DEFB131A: variants seen among roughly 807,000 people sequenced by gnomAD.
DEFB131A encodes the protein defensin beta 131A.
A neutral mutation model predicts 2.4 loss-of-function variants in DEFB131A; 5 were observed. That is an observed-to-expected ratio of 2.12 (90% CI 1.11 to 4.47). The LOEUF (loss-of-function observed/expected upper bound fraction) is 4.47. DEFB131A is among the 30% of genes most tolerant of loss of function. The probability of loss-of-function intolerance (pLI) is 0.00; values close to 1 mark genes in which losing one functional copy is unlikely to be tolerated. For missense variants in DEFB131A, 120 were observed against 79.9 expected (o/e 1.50, Z -1.91); for synonymous variants, 34 against 25.7 (o/e 1.32, Z -0.97).
intron 1 of DEFB131A, among the ~76,000 whole-genome samples, chr4:9,448,096 G>A (rs1717549956): frequency 6.6e-6 from 1 of 150,816 alleles, no homozygotes; most frequent in Non-Finnish European, 1.5e-5. Context: ...AGGAAGCTGA[G>A]AGAATAACAC....
At chr4:9,448,311 GAAAA>G (rs375847332) in intron 1 of DEFB131A, among the ~76,000 whole-genome samples, 5 of 148,002 alleles carry the variant, frequency 3.4e-5, no homozygotes, top group African/African-American at 9.9e-5. Context: ...TGTTATAAAA[GAAAA>G]AAAAAAGAAC....
intron 1 of DEFB131A, among the ~76,000 whole-genome samples, chr4:9,445,850 C>G (rs1407248089): frequency 6.6e-6 from 1 of 152,124 alleles, no homozygotes; most frequent in Non-Finnish European, 1.5e-5. Flanking sequence ...TCCCTAGCAA[C>G]CACTGATCTA....
intron 1 of DEFB131A, among the ~76,000 whole-genome samples, chr4:9,449,594 T>A (rs1397075754): frequency 1.3e-5 from 2 of 151,784 alleles, no homozygotes; most frequent in African/African-American, 4.8e-5. Flanking sequence ...GTAAAACTTA[T>A]AGAAGAAAAC....
intron 1 of DEFB131A, among the ~76,000 whole-genome samples, chr4:9,449,790 T>A (rs1267150729): frequency 1.3e-5 from 2 of 152,280 alleles, no homozygotes; most frequent in South Asian, 2.1e-4. Flanking sequence ...CCGAATACGC[T>A]GGGAAGCTGG....
chr4:9,444,785 C>G (rs891296610), intron 1 of DEFB131A, among the ~76,000 whole-genome samples, 194 bp downstream of exon 1: 6 of 151,862 alleles, frequency 4.0e-5, no homozygotes, highest in African/African-American at 7.3e-5. Context: ...CTATGATAAA[C>G]TCACTTGAGG....
chr4:9,444,954 G>T (rs1230668425), intron 1 of DEFB131A, among the ~76,000 whole-genome samples: 2 of 151,728 alleles, frequency 1.3e-5, no homozygotes, highest in Non-Finnish European at 2.9e-5. Context: ...ATAGTGGCGC[G>T]TGTCTGTGGT....
At chr4:9,450,191 C>A (rs1032978147) in intron 1 of DEFB131A, among the ~76,000 whole-genome samples, 169 bp from the exon 2 acceptor site, 1 of 152,140 alleles carries the variant, frequency 6.6e-6, no homozygotes, top group African/African-American at 2.4e-5. Context: ...AAGAAATCAT[C>A]GCTTGTCTTT....
At chr4:9,448,891 G>C (rs568458891) in intron 1 of DEFB131A, among the ~76,000 whole-genome samples, 78 of 152,170 alleles carry the variant, frequency 5.1e-4, no homozygotes, top group Non-Finnish European at 9.0e-4. Flanking sequence ...TGGGGGGTGG[G>C]AATGAGTAAA....
chr4:9,447,762 G>T (rs1326650799), intron 1 of DEFB131A, among the ~76,000 whole-genome samples: 2 of 151,060 alleles, frequency 1.3e-5, no homozygotes, highest in African/African-American at 2.4e-5. Flanking sequence ...TACATTCTGA[G>T]ATACTAAAGA....
At position 9,450,415 on chromosome 4, in the gene DEFB131A, G is replaced by A. The variant is rs753620721; in HGVS notation, c.114G>A (p.Leu38=). The A allele has an allele frequency of 3.9e-5, 63 of 1,606,594 alleles. 1 individual carries two copies. In the East Asian group the frequency reaches 1.3e-3, roughly 34 times the overall value. Residue 38 remains leucine (L), a synonymous_variant, in exon 2 of 2, where the codon CTG becomes CTA. Coordinates refer to ENST00000334879, the MANE Select transcript of DEFB131A (RefSeq NM_001040448.3). ...CTTCAGAATATTATCATTGCAGACT[G>A]AAGTGCAATGCTGATGAACATGCAA... is the stretch of plus-strand genomic sequence containing the variant. The part of the protein sequence containing the change: ...ECPSEYYHCR[L]KCNADEHAIR...
intron 1 of DEFB131A, among the ~76,000 whole-genome samples, chr4:9,449,161 A>T (rs1431263462): frequency 2.0e-5 from 3 of 151,066 alleles, no homozygotes; most frequent in Non-Finnish European, 4.4e-5. Context: ...TAAAAATTGC[A>T]GACATTCATG....
At chr4:9,449,050 C>T (rs1221915435) in intron 1 of DEFB131A, among the ~76,000 whole-genome samples, 1 of 151,660 alleles carries the variant, frequency 6.6e-6, no homozygotes, top group South Asian at 2.1e-4. Context: ...GCACTAACAA[C>T]AAGCACTGGA....
At chr4:9,444,779 G>T (rs1315344274) in intron 1 of DEFB131A, among the ~76,000 whole-genome samples, 188 bp downstream of exon 1, 2 of 151,958 alleles carry the variant, frequency 1.3e-5, no homozygotes, top group African/African-American at 4.8e-5. Context: ...TTTAACCTAT[G>T]ATAAACTCAC....
chr4:9,446,643 TTTTTTCTTG>T (rs1466316306), intron 1 of DEFB131A, among the ~76,000 whole-genome samples: 1 of 152,056 alleles, frequency 6.6e-6, no homozygotes, highest in East Asian at 1.9e-4. Context: ...TTGGATTTCA[TTTTTTCTTG>T]TTTTTCTTGT....
intron 1 of DEFB131A, among the ~76,000 whole-genome samples, chr4:9,446,746 CTGTCTTTGT>C (rs1717514201): frequency 6.6e-6 from 1 of 152,074 alleles, no homozygotes; most frequent in Non-Finnish European, 1.5e-5. Flanking sequence ...TCTCTTAGCA[CTGTCTTTGT>C]TGTATTCCAT....
chr4:9,444,727 A>C (rs564893729), intron 1 of DEFB131A, 136 bp downstream of exon 1: 1 of 830,612 alleles, frequency 1.2e-6, no homozygotes, highest in Non-Finnish European at 1.8e-6. Context: ...AGGATTGAAG[A>C]GTTGATACTA....
At chr4:9,447,426 C>A (rs1458205920) in intron 1 of DEFB131A, among the ~76,000 whole-genome samples, 2 of 152,052 alleles carry the variant, frequency 1.3e-5, no homozygotes, top group African/African-American at 4.8e-5. Context: ...GCCATTCTTG[C>A]ATTGCTATAG....
intron 1 of DEFB131A, among the ~76,000 whole-genome samples, chr4:9,448,132 C>T (rs960447709): frequency 5.5e-5 from 8 of 146,466 alleles, no homozygotes; most frequent in Non-Finnish European, 1.0e-4. Flanking sequence ...AAAATTTAAA[C>T]ATAGGCATAT....
At chr4:9,446,169 A>T (rs1717500332) in intron 1 of DEFB131A, among the ~76,000 whole-genome samples, 1 of 152,122 alleles carries the variant, frequency 6.6e-6, no homozygotes, top group Non-Finnish European at 1.5e-5. Flanking sequence ...TATATAAATG[A>T]TAGAATCTTG....
Sources: allele counts gnomAD v4.1 joint callset (sites outside exome capture counted in the v4.1 genomes callset), GRCh38; gene constraint gnomAD v4.1.1; transcripts MANE v1.5; gene names NCBI Gene and HGNC (gene_info 2026-07-23, HGNC 2026-07-21).